KALRN: variants seen among roughly 807,000 people sequenced by gnomAD.
The protein encoded by KALRN is kalirin RhoGEF kinase.
A neutral mutation model predicts 353.7 loss-of-function variants in KALRN; 70 were observed. That is an observed-to-expected ratio of 0.20 (90% CI 0.16 to 0.24). KALRN has a LOEUF of 0.24. Ranked by LOEUF, KALRN falls within the 10% of genes least tolerant of loss-of-function variation. KALRN has a pLI of 1.00. For synonymous variants in KALRN, 1,391 were observed against 1,434.8 expected, an observed-to-expected ratio of 0.97 and a Z score of 0.69; for missense variants, 2,791 against 3,756.7, an observed-to-expected ratio of 0.74 and a Z score of 6.72.
At chr3:124,461,367 C>T (rs1342864922) in intron 23 of KALRN, among the ~76,000 whole-genome samples, 1 of 151,912 alleles carries the variant, frequency 6.6e-6, no homozygotes, top group Non-Finnish European at 1.5e-5. Flanking sequence ...AGAAAAATTG[C>T]TAACCCCTGA....
intron 1 of KALRN, among the ~76,000 whole-genome samples, chr3:124,221,829 T>C (rs1194374035): frequency 6.6e-6 from 1 of 152,172 alleles, no homozygotes; most frequent in Non-Finnish European, 1.5e-5. Context: ...TTCCTGGTAT[T>C]GGGGGAAATG....
chr3:124,088,568 T>C (rs915869372), intron 1 of KALRN, among the ~76,000 whole-genome samples: 2 of 152,206 alleles, frequency 1.3e-5, no homozygotes, highest in Non-Finnish European at 2.9e-5. Context: ...CTTTATGAAG[T>C]ATCCACTATG....
intron 1 of KALRN, among the ~76,000 whole-genome samples, chr3:124,154,669 G>C (rs1216940866): frequency 6.6e-5 from 10 of 152,162 alleles, no homozygotes; most frequent in Admixed American, 2.6e-4. Context: ...TCAATATCGT[G>C]AAAATGGCCA....
At chr3:124,703,027 G>A (rs761541629) in intron 57 of KALRN, among the ~76,000 whole-genome samples, 20 of 152,068 alleles carry the variant, frequency 1.3e-4, no homozygotes, top group South Asian at 2.1e-4. Context: ...TTGCCCACCC[G>A]TAAGATCCTT....
At chr3:124,468,340 A>C (rs974786677) in intron 25 of KALRN, among the ~76,000 whole-genome samples, 1 of 152,088 alleles carries the variant, frequency 6.6e-6, no homozygotes, top group South Asian at 2.1e-4. Context: ...CCCTTGAAAC[A>C]CAAGGGGGGG....
At chr3:124,277,320 T>G (rs2074852035) in intron 5 of KALRN, among the ~76,000 whole-genome samples, 1 of 152,150 alleles carries the variant, frequency 6.6e-6, no homozygotes, top group African/African-American at 2.4e-5. Context: ...CGGTGCCCTC[T>G]TGTTCCTGCT....
chr3:124,054,828 G>T (rs2041376410), intron 1 of KALRN, among the ~76,000 whole-genome samples: 1 of 152,204 alleles, frequency 6.6e-6, no homozygotes, highest in South Asian at 2.1e-4. Flanking sequence ...ATTTCTGGAA[G>T]TCCTAATTAA....
At chr3:124,516,161 A>G (rs554424325) in intron 33 of KALRN, among the ~76,000 whole-genome samples, 40 of 152,238 alleles carry the variant, frequency 2.6e-4, no homozygotes, top group Non-Finnish European at 5.1e-4. Flanking sequence ...ATAGATTCTT[A>G]TGTGAGGAAT....
chr3:124,281,975 C>G (rs940556201), intron 5 of KALRN, among the ~76,000 whole-genome samples: 1 of 152,174 alleles, frequency 6.6e-6, no homozygotes, highest in African/African-American at 2.4e-5. Flanking sequence ...CTGTTGAAAA[C>G]TGGGGTGTTA....
intron 32 of KALRN, among the ~76,000 whole-genome samples, chr3:124,494,916 C>T (rs1011343005): frequency 1.9e-4 from 29 of 152,224 alleles, no homozygotes; most frequent in African/African-American, 7.0e-4. Context: ...TAAAAGCCCC[C>T]TGGGGAAAAG....
chr3:124,655,520 G>T, intron 38 of KALRN, 81 bp from the exon 39 acceptor site: 1 of 1,128,988 alleles, frequency 8.9e-7, no homozygotes, highest in Non-Finnish European at 1.4e-6. Context: ...AGGTGCCAAA[G>T]TAACTTTTCT....
chr3:124,573,122 A>G (rs1050770599), intron 34 of KALRN, among the ~76,000 whole-genome samples: 1 of 152,164 alleles, frequency 6.6e-6, no homozygotes, highest in South Asian at 2.1e-4. Context: ...CTTAAAATCT[A>G]TGAAATAAGC....
At chr3:124,553,628 A>C (rs2070820221) in intron 33 of KALRN, among the ~76,000 whole-genome samples, 1 of 152,210 alleles carries the variant, frequency 6.6e-6, no homozygotes, top group African/African-American at 2.4e-5. Context: ...TCCCTCTTCT[A>C]TAGGTAGCCT....
chr3:124,239,317 T>C (rs940908204), intron 3 of KALRN, among the ~76,000 whole-genome samples: 1 of 152,220 alleles, frequency 6.6e-6, no homozygotes, highest in Non-Finnish European at 1.5e-5. Flanking sequence ...TAGGAATTTC[T>C]AAGCACTACA....
intron 1 of KALRN, among the ~76,000 whole-genome samples, chr3:124,140,202 C>T (rs2066453057): frequency 6.6e-6 from 1 of 152,194 alleles, no homozygotes; most frequent in Admixed American, 6.5e-5. Context: ...CTCCTCCTCT[C>T]CAAAGCATTA....
At chr3:124,710,366 C>T (rs901754747) in intron 57 of KALRN, among the ~76,000 whole-genome samples, 2 of 152,256 alleles carry the variant, frequency 1.3e-5, no homozygotes, top group Middle Eastern at 3.4e-3. Flanking sequence ...TCATCTTCCA[C>T]AGTGGGATGT....
At chr3:124,227,663 G>GTTTTTTTTTTTTTT (rs747087120) in intron 1 of KALRN, among the ~76,000 whole-genome samples, 1 of 69,262 alleles carries the variant, frequency 1.4e-5, no homozygotes, top group African/African-American at 5.1e-5. Flanking sequence ...CAACAGGGCT[G>GTTTTTTTTTTTTTT]TTTTTTTTTT....
intron 39 of KALRN, among the ~76,000 whole-genome samples, chr3:124,656,840 G>C (rs1217815252): frequency 6.6e-6 from 1 of 152,044 alleles, no homozygotes; most frequent in South Asian, 2.1e-4. Flanking sequence ...TTGTGGGGCT[G>C]GGGGGTGGAA....
At chr3:124,340,871 G>A (rs1297856928) in intron 9 of KALRN, among the ~76,000 whole-genome samples, 4 of 151,988 alleles carry the variant, frequency 2.6e-5, no homozygotes, top group Admixed American at 1.3e-4. Flanking sequence ...CAGGAGAATC[G>A]CTTGAACCTG....
Sources: allele counts gnomAD v4.1 joint callset (sites outside exome capture counted in the v4.1 genomes callset), GRCh38; gene constraint gnomAD v4.1.1; transcripts MANE v1.5; gene names NCBI Gene and HGNC (gene_info 2026-07-23, HGNC 2026-07-21).